RBMS3: variants seen among roughly 807,000 people sequenced by gnomAD.
RBMS3 encodes RNA binding motif single stranded interacting protein 3, also known as RNA-binding motif, single-stranded-interacting protein 3.
In RBMS3, 27 loss-of-function variants were observed where a neutral mutation model predicts 66.8. That is an observed-to-expected ratio of 0.40 (90% CI 0.30 to 0.56). The LOEUF is 0.56. Ranked by LOEUF, RBMS3 falls within the 20% of genes least tolerant of loss-of-function variation. RBMS3 has a pLI of 0.40. For missense variants in RBMS3, 513 were observed against 549.5 expected (o/e 0.93, Z 0.66); for synonymous variants, 188 against 183.0 (o/e 1.03, Z -0.22).
chr3:29,595,259 C>T (rs937261280), intron 4 of RBMS3, among the ~76,000 whole-genome samples: 2 of 151,544 alleles, frequency 1.3e-5, no homozygotes, highest in East Asian at 1.9e-4. Flanking sequence ...ATTAGCTGGG[C>T]GTGGTGGTGG....
intron 1 of RBMS3, among the ~76,000 whole-genome samples, chr3:29,409,551 T>C (rs2040178784): frequency 6.6e-6 from 1 of 152,240 alleles, no homozygotes; most frequent in Non-Finnish European, 1.5e-5. Flanking sequence ...GTGGATGGGT[T>C]CCAAAAGGCT....
rs897124813 is a variant in RBMS3, at chr3:29,961,908, T to C, written c.1098+17654T>C. Among the ~76,000 whole-genome samples the C allele has an allele frequency of 4.0e-5, 6 of 150,562 alleles. No homozygotes were observed. In the East Asian group the frequency reaches 1.2e-3, roughly 29 times the overall value. Reference sequence around the variant, plus strand: ...AAACTGACAGTAGACATTTTAGTCTTGTGTAGAATGTTAATTTTTCTTTAT... The same window carrying C: ...AAACTGACAGTAGACATTTTAGTCTCGTGTAGAATGTTAATTTTTCTTTAT... On this transcript the variant is annotated intron_variant, in intron 12 of 14. Transcript: ENST00000383767.
chr3:29,849,387 G>A (rs2058874825), intron 6 of RBMS3, among the ~76,000 whole-genome samples: 2 of 152,018 alleles, frequency 1.3e-5, no homozygotes, highest in Admixed American at 6.6e-5. Flanking sequence ...AGTGGCAGGT[G>A]CCTTTAATCC....
intron 4 of RBMS3, among the ~76,000 whole-genome samples, chr3:29,729,981 A>G (rs1268784747): frequency 6.6e-6 from 1 of 151,956 alleles, no homozygotes; most frequent in Admixed American, 6.6e-5. Flanking sequence ...AAAGCATAGT[A>G]TTTTTTCATA....
intron 3 of RBMS3, among the ~76,000 whole-genome samples, chr3:29,508,163 A>G (rs1174483863): frequency 6.6e-6 from 1 of 152,166 alleles, no homozygotes; most frequent in East Asian, 1.9e-4. Flanking sequence ...GAAATAGTGT[A>G]CATTTGTATA....
At chr3:29,718,384 T>C (rs2053497456) in intron 4 of RBMS3, among the ~76,000 whole-genome samples, 1 of 152,032 alleles carries the variant, frequency 6.6e-6, no homozygotes, top group Admixed American at 6.6e-5. Flanking sequence ...TTAAGTTTAT[T>C]TAGGAAGTGA....
At chr3:29,492,801 G>A (rs1462179634) in intron 3 of RBMS3, among the ~76,000 whole-genome samples, 3 of 152,122 alleles carry the variant, frequency 2.0e-5, no homozygotes, top group South Asian at 4.1e-4. Flanking sequence ...AGGTAGTGAT[G>A]GGAAACATGC....
intron 12 of RBMS3, among the ~76,000 whole-genome samples, chr3:29,965,020 T>C (rs1004945939): frequency 2.6e-5 from 4 of 152,162 alleles, no homozygotes; most frequent in Admixed American, 6.5e-5. Context: ...GTCTCCAATC[T>C]CATCCAGGTC....
intron 7 of RBMS3, chr3:29,880,896 A>C: frequency 1.4e-6 from 2 of 1,389,940 alleles, no homozygotes; most frequent in Non-Finnish European, 2.0e-6. Context: ...CCCTCTCCCA[A>C]GGTACCTACT....
intron 11 of RBMS3, among the ~76,000 whole-genome samples, chr3:29,938,399 C>G (rs1394525428): frequency 6.6e-6 from 1 of 151,766 alleles, no homozygotes; most frequent in Non-Finnish European, 1.5e-5. Flanking sequence ...TCTTTTCACC[C>G]TTTACATTTG....
chr3:29,720,696 C>CTGTGTGTGTGTGTGTGTGTGTGTG (rs201802434), intron 4 of RBMS3, among the ~76,000 whole-genome samples: 2 of 147,498 alleles, frequency 1.4e-5, no homozygotes, highest in African/African-American at 2.5e-5. Context: ...CTGTAAGAAT[C>CTGTGTGTGTGTGTGTGTGTGTGTG]TGTGTGTGTG....
At chr3:29,679,676 C>T (rs1229315905) in intron 4 of RBMS3, among the ~76,000 whole-genome samples, 1 of 151,492 alleles carries the variant, frequency 6.6e-6, no homozygotes, top group East Asian at 1.9e-4. Flanking sequence ...TTTTAGTTTC[C>T]CAAGCCAGTC....
chr3:29,427,802 C>T (rs1284551007), intron 1 of RBMS3, among the ~76,000 whole-genome samples: 1 of 152,082 alleles, frequency 6.6e-6, no homozygotes, highest in Non-Finnish European at 1.5e-5. Flanking sequence ...TACTCCAAAA[C>T]CACCAGACCA....
intron 1 of RBMS3, among the ~76,000 whole-genome samples, chr3:29,399,378 T>C (rs1236153285): frequency 2.0e-5 from 3 of 152,318 alleles, no homozygotes; most frequent in Non-Finnish European, 1.5e-5. Flanking sequence ...TACAATGTAA[T>C]TGAGCATTGT....
intron 1 of RBMS3, among the ~76,000 whole-genome samples, chr3:29,408,466 G>A (rs913118301): frequency 3.3e-5 from 5 of 151,976 alleles, no homozygotes; most frequent in Admixed American, 2.0e-4. Flanking sequence ...AAAAGTGATG[G>A]TTTAGGAAAA....
chr3:29,941,098 G>A (rs2061383383), intron 11 of RBMS3, among the ~76,000 whole-genome samples: 1 of 151,832 alleles, frequency 6.6e-6, no homozygotes. Context: ...TTTTTGTTCT[G>A]CAGGTTTTGT....
intron 5 of RBMS3, among the ~76,000 whole-genome samples, chr3:29,742,234 A>G (rs2054680305): frequency 6.6e-6 from 1 of 152,194 alleles, no homozygotes; most frequent in African/African-American, 2.4e-5. Context: ...TTCTTTAGGA[A>G]CTGAGGGAGG....
intron 12 of RBMS3, among the ~76,000 whole-genome samples, chr3:29,977,814 C>T (rs1225303621): frequency 1.3e-5 from 2 of 151,522 alleles, no homozygotes; most frequent in African/African-American, 2.4e-5. Flanking sequence ...TGCCGTGGTC[C>T]CCATTAACCC....
intron 2 of RBMS3, among the ~76,000 whole-genome samples, chr3:29,481,540 C>A (rs149413371): frequency 6.6e-6 from 1 of 152,164 alleles, no homozygotes; most frequent in Non-Finnish European, 1.5e-5. Flanking sequence ...AATAGAGGTA[C>A]TGAAGTAGAG....
Sources: gnomAD v4.1 joint callset for allele counts (sites outside exome capture counted in the v4.1 genomes callset) on GRCh38, gnomAD v4.1.1 for gene constraint, MANE v1.5 for transcripts, NCBI Gene and HGNC (gene_info 2026-07-23, HGNC 2026-07-21) for gene names.